STAP1: variants seen among roughly 807,000 people sequenced by gnomAD.
STAP1 encodes the protein signal-transducing adaptor protein 1.
STAP1 carries 30 observed loss-of-function variants against 37.8 expected under a neutral mutation model. The observed-to-expected ratio is 0.79, with a 90% CI of 0.59 to 1.08. STAP1 has a LOEUF of 1.08. Ranked by LOEUF, STAP1 falls within the 50% of genes least tolerant of loss-of-function variation. STAP1 has a pLI of 0.00. For missense variants in STAP1, 357 were observed against 349.4 expected, an observed-to-expected ratio of 1.02 and a Z score of -0.17; for synonymous variants, 130 against 116.0, an observed-to-expected ratio of 1.12 and a Z score of -0.78.
rs1553900057 is a variant in STAP1 at position 67,560,632 on chromosome 4, T to TTGTGTGTGTGGG, written c.120+1711_120+1722dup. On this transcript the variant is annotated intron_variant, in intron 1 of 8. Transcript: ENST00000265404. ...TATTTGAATTTATAGTAAAGTATCT[T>TTGTGTGTGTGGG]TGTGTGTGTGGGTGTGTGTCTGTGT... 7.6e-5 allele frequency among the ~76,000 whole-genome samples: 8 copies of TTGTGTGTGTGGG among 105,786 alleles called. No individual in the cohort carries two copies. In the East Asian group the frequency reaches 1.8e-3, roughly 23 times the overall value. 69.4% of individuals were successfully genotyped at this position (105,786 alleles called of 152,430 possible).
chr4:67,566,280 C>T (rs1377200733), intron 1 of STAP1, among the ~76,000 whole-genome samples: 1 of 152,016 alleles, frequency 6.6e-6, no homozygotes, highest in East Asian at 1.9e-4. Flanking sequence ...TTTATATACT[C>T]TTTTATTAGA....
intron 1 of STAP1, among the ~76,000 whole-genome samples, chr4:67,566,546 T>C (rs1727475566): frequency 6.6e-6 from 1 of 152,178 alleles, no homozygotes; most frequent in Non-Finnish European, 1.5e-5. Context: ...CACTCTCTCC[T>C]GGTAGACTGA....
At chr4:67,574,087 A>T (rs1727666856) in intron 2 of STAP1, among the ~76,000 whole-genome samples, 1 of 152,090 alleles carries the variant, frequency 6.6e-6, no homozygotes, top group Non-Finnish European at 1.5e-5. Context: ...GTAAATGCTG[A>T]ATAGCTTTCT....
intron 2 of STAP1, among the ~76,000 whole-genome samples, chr4:67,572,716 T>C (rs1326906095): frequency 6.6e-6 from 1 of 152,222 alleles, no homozygotes; most frequent in Non-Finnish European, 1.5e-5. Flanking sequence ...AGATAGTACA[T>C]GTAAGGACCT....
chr4:67,575,303 A>AT lies in STAP1; in HGVS notation c.193-81dup, dbSNP rs1469948667. ...AAAGTACTAATTAGTTGAAAGGAAG[A>AT]TATTACTTATTTTGCTTCCTGCTAG... On this transcript the variant is annotated intron_variant, in intron 2 of 8. Transcript: ENST00000265404. 1.8e-5 allele frequency: 15 copies of AT among 833,084 alleles called. 1 individual carries two copies. The highest frequency in any genetic ancestry group is 2.6e-5 in the Non-Finnish European group (14 of 536,810). The allele number at this position is 833,084 out of a possible 1,614,324, so 51.6% of individuals were successfully genotyped here.
intron 6 of STAP1, among the ~76,000 whole-genome samples, chr4:67,585,884 G>A (rs576248004): frequency 1.3e-5 from 2 of 152,146 alleles, no homozygotes; most frequent in Non-Finnish European, 2.9e-5. Context: ...TTACGAAATT[G>A]TGTATGACAT....
intron 8 of STAP1, among the ~76,000 whole-genome samples, chr4:67,598,315 C>T (rs1728268109): frequency 6.6e-6 from 1 of 152,140 alleles, no homozygotes; most frequent in Non-Finnish European, 1.5e-5. Flanking sequence ...ATTGCTGGGT[C>T]ATATGGTAGT....
In STAP1 at chr4:67,590,915, A is replaced by G; in HGVS notation, c.691A>G (p.Ser231Gly). 6.2e-7 allele frequency: 1 copy of G among 1,612,844 alleles called. No homozygotes were observed. ...AAGAATCAAGCACTACAAAGTGATG[A>G]GCGTAGGACAAAACTACACTATTGA... ...IPRIKHYKVM[S>G]VGQNYTIELE... The change falls in exon 7 of 9, where the codon AGC becomes GGC. Residue 231 changes from serine (S) to glycine (G), a missense_variant. Transcript: ENST00000265404.
At chr4:67,564,055 G>A (rs1248967346) in intron 1 of STAP1, among the ~76,000 whole-genome samples, 3 of 151,398 alleles carry the variant, frequency 2.0e-5, no homozygotes, top group African/African-American at 7.3e-5. Context: ...GTTGTTTATT[G>A]AGATTGATAT....
intron 8 of STAP1, among the ~76,000 whole-genome samples, chr4:67,605,290 T>A (rs1406052325): frequency 1.3e-5 from 2 of 149,948 alleles, no homozygotes; most frequent in African/African-American, 2.5e-5. Flanking sequence ...AATTTTCTCT[T>A]GGGGTTTTAG....
At chr4:67,583,838 C>G (rs1348361851) in intron 6 of STAP1, 136 bp downstream of exon 6, 1 of 993,830 alleles carries the variant, frequency 1.0e-6, no homozygotes, top group Non-Finnish European at 1.4e-6. Flanking sequence ...GTGGCTCACG[C>G]CTGTAATCTC....
intron 1 of STAP1, among the ~76,000 whole-genome samples, chr4:67,560,427 A>G (rs1188691302): frequency 6.6e-6 from 1 of 152,166 alleles, no homozygotes; most frequent in African/African-American, 2.4e-5. Flanking sequence ...ACCAAGCATC[A>G]CTCATTTCTG....
At chr4:67,570,283 A>G (rs917333595) in intron 1 of STAP1, among the ~76,000 whole-genome samples, 13 of 152,142 alleles carry the variant, frequency 8.5e-5, no homozygotes, top group Non-Finnish European at 1.5e-4. Flanking sequence ...TATGTCCTAT[A>G]TTTTTGTTTG....
chr4:67,593,669 A>G (rs141134877), intron 8 of STAP1, among the ~76,000 whole-genome samples: 1 of 152,376 alleles, frequency 6.6e-6, no homozygotes, highest in African/African-American at 2.4e-5. Flanking sequence ...CCATAATCAT[A>G]CAAGTTAATG....
At chr4:67,583,374 G>A (rs1727907113) in intron 5 of STAP1, among the ~76,000 whole-genome samples, 200 bp from the exon 6 acceptor site, 1 of 152,154 alleles carries the variant, frequency 6.6e-6, no homozygotes, top group African/African-American at 2.4e-5. Flanking sequence ...AAGGAAGGAA[G>A]ACCTTAACGT....
intron 3 of STAP1, among the ~76,000 whole-genome samples, chr4:67,576,734 T>A (rs769803522): frequency 3.3e-5 from 5 of 152,160 alleles, no homozygotes; most frequent in Non-Finnish European, 7.3e-5. Flanking sequence ...GCTCAAGTGA[T>A]CCTCCCACCT....
intron 1 of STAP1, among the ~76,000 whole-genome samples, chr4:67,569,499 T>C (rs1727550548): frequency 6.6e-6 from 1 of 152,320 alleles, no homozygotes; most frequent in Middle Eastern, 3.4e-3. Context: ...TTTTTGACTC[T>C]TTTGTAATAA....
intron 8 of STAP1, among the ~76,000 whole-genome samples, chr4:67,599,949 T>C (rs778252084): frequency 2.0e-5 from 3 of 152,124 alleles, no homozygotes; most frequent in Non-Finnish European, 4.4e-5. Flanking sequence ...GCTTATTTTT[T>C]CAAAAAACTT....
At position 67,558,883 on chromosome 4, in the gene STAP1, C is replaced by G. The variant is rs772329716; in HGVS notation, c.74C>G (p.Pro25Arg). 6.2e-7 allele frequency: 1 copy of G among 1,613,586 alleles called. No homozygotes were observed. The highest frequency in any genetic ancestry group is 8.5e-7 in the Non-Finnish European group (1 of 1,179,656). ...GAAAGGTTAAAGATTACTGCTCTAC[C>G]TTTGTACTTTGAAGGTTTTTTATTA... ...FQERLKITAL[P>R]LYFEGFLLIK... Residue 25 changes from proline to arginine, a missense_variant, in exon 1 of 9, where the codon CCT (proline) becomes CGT (arginine). By Grantham distance (103) the Pro-to-Arg change is moderately radical. Transcript: ENST00000265404.
Sources: gnomAD v4.1 joint callset for allele counts (sites outside exome capture counted in the v4.1 genomes callset) on GRCh38, gnomAD v4.1.1 for gene constraint, MANE v1.5 for transcripts, NCBI Gene and HGNC (gene_info 2026-07-23, HGNC 2026-07-21) for gene names.